EED: variants seen among roughly 807,000 people sequenced by gnomAD.
EED encodes the protein polycomb protein EED.
Under a neutral mutation model 61.0 loss-of-function variants are expected in EED, and 9 were observed. The observed-to-expected ratio is 0.15, with a 90% CI of 0.09 to 0.26. The LOEUF (loss-of-function observed/expected upper bound fraction) is 0.26, where lower values mean the gene tolerates loss of function less well. Among genes scored for constraint, EED ranks in the 10% least tolerant of loss-of-function variants. The pLI, the probability that EED is intolerant of heterozygous loss-of-function variation, is 1.00. For missense variants in EED, 315 were observed against 542.3 expected, an observed-to-expected ratio of 0.58 and a Z score of 4.16; for synonymous variants, 187 against 174.4, an observed-to-expected ratio of 1.07 and a Z score of -0.57.
At chr11:86,266,327 TTTTAAC>T in intron 8 of EED, 111 bp downstream of exon 8, 1 of 950,788 alleles carries the variant, frequency 1.1e-6, no homozygotes, top group Non-Finnish European at 1.5e-6. Flanking sequence ...GAAGACCTTC[TTTTAAC>T]TTTAAGGGAC....
chr11:86,255,706 G>A (rs568083325), intron 4 of EED, among the ~76,000 whole-genome samples: 1 of 150,898 alleles, frequency 6.6e-6, no homozygotes, highest in African/African-American at 2.4e-5. Flanking sequence ...TTTGATCAAC[G>A]AAGCCTAGGA....
At chr11:86,279,406 T>G (rs1345802072), downstream of EED, among the ~76,000 whole-genome samples, 1 of 152,132 alleles carries the variant, frequency 6.6e-6, no homozygotes, top group Non-Finnish European at 1.5e-5. Flanking sequence ...CTAAGAGGGA[T>G]TAAGTAGATT....
At position 86,266,945 on chromosome 11, in the gene EED, T is replaced by C. The variant is rs573758854; in HGVS notation, c.860+729T>C. Among the ~76,000 whole-genome samples the C allele has an allele frequency of 6.6e-5, 10 of 152,286 alleles. No individual in the cohort carries two copies. In the East Asian group the frequency reaches 1.7e-3, roughly 26 times the overall value. ...ATCAAGCCAGATTGTTAATAGATTA[T>C]TAAATTTGTAAGCATCAGTAAATAT... On this transcript the variant is annotated intron_variant, in intron 8 of 11. Coordinates refer to ENST00000263360, the MANE Select transcript of EED (RefSeq NM_003797.5).
intron 4 of EED, among the ~76,000 whole-genome samples, chr11:86,255,832 G>A (rs182869075): frequency 1.3e-5 from 2 of 152,182 alleles, no homozygotes; most frequent in African/African-American, 4.8e-5. Context: ...GAGTTAGAGC[G>A]GTAAAAGCTA....
At chr11:86,279,148 A>T (rs1946294052), downstream of EED, among the ~76,000 whole-genome samples, 1 of 152,226 alleles carries the variant, frequency 6.6e-6, no homozygotes, top group African/African-American at 2.4e-5. Flanking sequence ...ATAGTTTCAT[A>T]AGTAATATTT....
At chr11:86,280,257 A>AT (rs1269844491), downstream of EED, among the ~76,000 whole-genome samples, 2 of 152,056 alleles carry the variant, frequency 1.3e-5, no homozygotes, top group Non-Finnish European at 2.9e-5. Context: ...TGCCCAGCTA[A>AT]TTTTTGTATT....
chr11:86,245,485 T>C (rs1015367207), intron 1 of EED, 142 bp downstream of exon 1: 5 of 708,272 alleles, frequency 7.1e-6, no homozygotes, highest in Non-Finnish European at 1.2e-5. Flanking sequence ...GGGAGAAAAT[T>C]GAAATTGCCT....
chr11:86,254,510 G>A (rs1363959826), intron 3 of EED, among the ~76,000 whole-genome samples: 15 of 151,100 alleles, frequency 9.9e-5, no homozygotes, highest in Non-Finnish European at 1.2e-4. Context: ...TAGTAGAGAC[G>A]GGGTTCCACC....
chr11:86,260,993 A>G (rs1945812825), intron 6 of EED, among the ~76,000 whole-genome samples: 1 of 151,800 alleles, frequency 6.6e-6, no homozygotes, highest in Non-Finnish European at 1.5e-5. Flanking sequence ...GCTTCTCATT[A>G]GGTCTCATCT....
At chr11:86,270,070 A>G (rs1565701731) in intron 9 of EED, 1 of 698,306 alleles carries the variant, frequency 1.4e-6, no homozygotes, top group Non-Finnish European at 2.6e-6. Flanking sequence ...GAAACTGCCA[A>G]ACTATTTTCC....
chr11:86,245,131 A>T lies in EED; in HGVS notation c.-99A>T. Reference sequence around the variant, plus strand: ...GGGGGGCGGTGGAGGTGGCGGCGGCAGCGGCAACTTTGCGGCAAGCTCGGG... The same window carrying T: ...GGGGGGCGGTGGAGGTGGCGGCGGCTGCGGCAACTTTGCGGCAAGCTCGGG... On this transcript the variant is annotated 5_prime_UTR_variant, in exon 1 of 12. Coordinates refer to ENST00000263360, the MANE Select transcript of EED (RefSeq NM_003797.5). The T allele has an allele frequency of 1.1e-6, 1 of 875,156 alleles. No individual in the cohort carries two copies. Among genetic ancestry groups the T allele is most frequent in the East Asian group, 3.0e-5 (1 of 32,988 alleles). 54.2% of individuals were successfully genotyped at this position (875,156 alleles called of 1,614,324 possible). A position where few individuals can be genotyped will look rare whatever the true frequency, so the allele number is the denominator to read the frequency against.
chr11:86,287,266 G>A, the EED span, among the ~76,000 whole-genome samples: 1 of 152,090 alleles, frequency 6.6e-6, no homozygotes, highest in South Asian at 2.1e-4. Flanking sequence ...ACAACCATAA[G>A]TAAAAAGTGC....
chr11:86,276,786 A>G (rs989782727), intron 9 of EED, 194 bp from the exon 10 acceptor site: 1 of 394,262 alleles, frequency 2.5e-6, no homozygotes, highest in South Asian at 1.1e-4. Flanking sequence ...AATTCTGTTG[A>G]TAATCAGATT....
At chr11:86,286,639 G>C in the EED span, among the ~76,000 whole-genome samples, 1 of 152,108 alleles carries the variant, frequency 6.6e-6, no homozygotes, top group Non-Finnish European at 1.5e-5. Context: ...ATCTAGGACA[G>C]TAGGTTTTAA....
intron 9 of EED, among the ~76,000 whole-genome samples, chr11:86,274,665 G>C (rs1301577872): frequency 1.3e-5 from 2 of 152,172 alleles, no homozygotes; most frequent in Non-Finnish European, 2.9e-5. Context: ...ACCCTAGCTG[G>C]GAAGGGCCAG....
intron 5 of EED, 79 bp downstream of exon 5, chr11:86,256,591 C>T: frequency 2.3e-6 from 3 of 1,327,812 alleles, no homozygotes; most frequent in Non-Finnish European, 3.0e-6. Flanking sequence ...AAATTTAAAA[C>T]TAATGGTATG....
intron 9 of EED, among the ~76,000 whole-genome samples, chr11:86,269,459 T>G (rs1265109628): frequency 1.3e-5 from 2 of 152,226 alleles, no homozygotes; most frequent in African/African-American, 4.8e-5. Context: ...TTTCTTGATG[T>G]GAATTTCAGG....
At chr11:86,267,562 A>G (rs963690926) in intron 8 of EED, among the ~76,000 whole-genome samples, 1 of 152,184 alleles carries the variant, frequency 6.6e-6, no homozygotes, top group African/African-American at 2.4e-5. Context: ...TTTCCTAAAT[A>G]CAGAAATTAT....
the EED span, among the ~76,000 whole-genome samples, chr11:86,286,135 A>G: frequency 6.7e-6 from 1 of 149,996 alleles, no homozygotes; most frequent in Non-Finnish European, 1.5e-5. Flanking sequence ...GGTTCAAGCA[A>G]TTCTCCTGTC....
Sources: gnomAD v4.1 joint callset for allele counts (sites outside exome capture counted in the v4.1 genomes callset) on GRCh38, gnomAD v4.1.1 for gene constraint, MANE v1.5 for transcripts, NCBI Gene and HGNC (gene_info 2026-07-23, HGNC 2026-07-21) for gene names.